The following AKAP13 variants were observed in gnomAD, a reference collection of about 807,000 sequenced individuals.
The protein encoded by AKAP13 is A-kinase anchoring protein 13.
In AKAP13, 80 loss-of-function variants were observed where a neutral mutation model predicts 264.5. The ratio of observed to expected loss-of-function variants is 0.30; its 90% CI spans 0.25 to 0.36. The LOEUF (loss-of-function observed/expected upper bound fraction) is 0.36, where lower values mean the gene tolerates loss of function less well. Ranked by LOEUF, AKAP13 falls within the 10% of genes least tolerant of loss-of-function variation. The pLI, the probability that AKAP13 is intolerant of heterozygous loss-of-function variation, is 1.00. For synonymous variants in AKAP13, 1,380 were observed against 1,250.2 expected (o/e 1.10, Z -2.19); for missense variants, 3,712 against 3,435.2 (o/e 1.08, Z -2.01).
intron 8 of AKAP13, among the ~76,000 whole-genome samples, chr15:85,620,782 T>C (rs1159300399): frequency 6.6e-6 from 1 of 152,226 alleles, no homozygotes; most frequent in Non-Finnish European, 1.5e-5. Flanking sequence ...TGTATTTGTT[T>C]GTGTTCTCCG....
chr15:85,516,291 G>T (rs2076595174), intron 2 of AKAP13, among the ~76,000 whole-genome samples: 2 of 152,144 alleles, frequency 1.3e-5, no homozygotes, highest in Non-Finnish European at 2.9e-5. Flanking sequence ...ATGAGATAAG[G>T]TTGATGATTC....
intron 16 of AKAP13, among the ~76,000 whole-genome samples, chr15:85,689,569 C>T (rs1389818671): frequency 6.6e-6 from 1 of 152,190 alleles, no homozygotes; most frequent in Non-Finnish European, 1.5e-5. Context: ...ATGGAAAAGT[C>T]AAACTTCAGA....
intron 8 of AKAP13, among the ~76,000 whole-genome samples, chr15:85,586,639 C>G (rs2079364889): frequency 6.6e-6 from 1 of 151,978 alleles, no homozygotes; most frequent in Non-Finnish European, 1.5e-5. Context: ...AAAACAGGTT[C>G]AATAGGCCAG....
At chr15:85,681,770 T>C (rs1162655732) in intron 14 of AKAP13, among the ~76,000 whole-genome samples, 4 of 151,046 alleles carry the variant, frequency 2.6e-5, no homozygotes, top group Admixed American at 2.6e-4. Context: ...GGATAAAATA[T>C]GACATTTAAT....
chr15:85,497,777 C>T (rs2075913449), intron 2 of AKAP13, among the ~76,000 whole-genome samples: 1 of 152,092 alleles, frequency 6.6e-6, no homozygotes, highest in South Asian at 2.1e-4. Flanking sequence ...TTCTGTTGGT[C>T]AGCACTGATA....
intron 8 of AKAP13, among the ~76,000 whole-genome samples, chr15:85,605,107 G>T (rs936642510): frequency 1.7e-5 from 2 of 117,274 alleles, no homozygotes; most frequent in African/African-American, 6.5e-5. Flanking sequence ...AACTATTCCC[G>T]ACAGTCAGCG....
chr15:85,468,850 C>T (rs2074849196), intron 1 of AKAP13, among the ~76,000 whole-genome samples: 2 of 151,672 alleles, frequency 1.3e-5, no homozygotes, highest in Admixed American at 6.6e-5. Context: ...ACAGGTCTCT[C>T]CTAACAGATT....
At chr15:85,588,772 G>A (rs2079462691) in intron 8 of AKAP13, among the ~76,000 whole-genome samples, 1 of 152,178 alleles carries the variant, frequency 6.6e-6, no homozygotes, top group South Asian at 2.1e-4. Context: ...TGACTAGCTT[G>A]AGGCCAAAGG....
intron 17 of AKAP13, among the ~76,000 whole-genome samples, chr15:85,704,337 G>T (rs1422532435): frequency 6.6e-6 from 1 of 152,164 alleles, no homozygotes; most frequent in African/African-American, 2.4e-5. Context: ...TCTTATCATT[G>T]TATAAAGTTG....
At chr15:85,710,722 A>C in intron 19 of AKAP13, 77 bp downstream of exon 19, 4 of 1,501,162 alleles carry the variant, frequency 2.7e-6, no homozygotes, top group Non-Finnish European at 2.7e-6. Flanking sequence ...TGTAATATTC[A>C]GTTATTATTC....
At chr15:85,442,113 T>G (rs1004538210) in intron 1 of AKAP13, among the ~76,000 whole-genome samples, 3 of 152,056 alleles carry the variant, frequency 2.0e-5, no homozygotes, top group Non-Finnish European at 4.4e-5. Flanking sequence ...ACAGAACATT[T>G]GTTAAAAATA....
intron 1 of AKAP13, among the ~76,000 whole-genome samples, chr15:85,441,762 T>G (rs182375022): frequency 7.4e-6 from 1 of 134,902 alleles, no homozygotes; most frequent in Non-Finnish European, 1.5e-5. Flanking sequence ...ACAAGTCTCT[T>G]AAAAGTTTTT....
chr15:85,486,451 CT>C (rs1567082346), intron 2 of AKAP13, among the ~76,000 whole-genome samples: 1 of 152,096 alleles, frequency 6.6e-6, no homozygotes, highest in Non-Finnish European at 1.5e-5. Flanking sequence ...AAGAGTCCAA[CT>C]TTTTTCTTTT....
intron 1 of AKAP13, among the ~76,000 whole-genome samples, chr15:85,439,215 A>C (rs1311976199): frequency 6.6e-6 from 1 of 150,972 alleles, no homozygotes; most frequent in African/African-American, 2.4e-5. Context: ...AAACACATGA[A>C]AAAATGCTCA....
chr15:85,589,757 T>TAA (rs1342990787), intron 8 of AKAP13, among the ~76,000 whole-genome samples: 2 of 148,790 alleles, frequency 1.3e-5, no homozygotes, highest in Non-Finnish European at 3.0e-5. Flanking sequence ...TCATGGGCTG[T>TAA]AAAAAAGAGT....
At chr15:85,590,367 G>C (rs1306363080) in intron 8 of AKAP13, among the ~76,000 whole-genome samples, 4 of 152,124 alleles carry the variant, frequency 2.6e-5, no homozygotes, top group African/African-American at 7.2e-5. Flanking sequence ...AGGATTTAAA[G>C]AAAAAAGCTA....
At position 85,581,769 on chromosome 15, in the gene AKAP13, T is replaced by G; in HGVS notation, c.3701T>G (p.Val1234Gly). The change falls in exon 7 of 37, where the codon GTC becomes GGC. Residue 1234 changes from valine to glycine, a missense_variant. Val to Gly is a moderately radical substitution (Grantham distance 109). Coordinates refer to ENST00000394518, the MANE Select transcript of AKAP13 (RefSeq NM_007200.5). Reference sequence around the variant, plus strand: ...AGCACTCCCTCTCTACCTTGCATGGTCTCTGCCCAGGACGCACCTCTGCCT... The same window carrying G: ...AGCACTCCCTCTCTACCTTGCATGGGCTCTGCCCAGGACGCACCTCTGCCT... ...ERSTPSLPCM[V>G]SAQDAPLPKG... The G allele has an allele frequency of 6.2e-7, 1 of 1,614,126 alleles. No individual in the cohort carries two copies. Among genetic ancestry groups the G allele is most frequent in the Non-Finnish European group, 8.5e-7 (1 of 1,179,986 alleles).
chr15:85,620,102 G>A (rs184661858), intron 8 of AKAP13: 6 of 1,536,030 alleles, frequency 3.9e-6, no homozygotes, highest in Admixed American at 3.9e-5. Context: ...ATGTATGAAC[G>A]GCACAAGAGG....
chr15:85,623,603 A>G (rs1057161136), intron 8 of AKAP13, among the ~76,000 whole-genome samples: 1 of 152,210 alleles, frequency 6.6e-6, no homozygotes, highest in East Asian at 1.9e-4. Flanking sequence ...TGGGTACGCT[A>G]GTGTCATCCT....
Sources: gnomAD v4.1 joint callset for allele counts (sites outside exome capture counted in the v4.1 genomes callset) on GRCh38, gnomAD v4.1.1 for gene constraint, MANE v1.5 for transcripts, NCBI Gene and HGNC (gene_info 2026-07-23, HGNC 2026-07-21) for gene names.